GNAT3: variants seen among roughly 807,000 people sequenced by gnomAD.
The protein encoded by GNAT3 is G protein subunit alpha transducin 3.
A neutral mutation model predicts 37.7 loss-of-function variants in GNAT3; 31 were observed. The ratio of observed to expected loss-of-function variants is 0.82; its 90% CI spans 0.62 to 1.11. The LOEUF is 1.11. Among genes scored for constraint, GNAT3 ranks in the 50% most tolerant of loss-of-function variants. GNAT3 has a pLI of 0.00. For missense variants in GNAT3, 437 were observed against 412.5 expected (o/e 1.06, Z -0.51); for synonymous variants, 138 against 139.8 (o/e 0.99, Z 0.09).
At chr7:80,477,531 G>T (rs1035886775) in intron 4 of GNAT3, among the ~76,000 whole-genome samples, 3 of 152,040 alleles carry the variant, frequency 2.0e-5, no homozygotes, top group African/African-American at 7.2e-5. Flanking sequence ...TGAAATTGGG[G>T]TCTAAAATAA....
At chr7:80,508,532 G>T (rs2116236108) in intron 1 of GNAT3, among the ~76,000 whole-genome samples, 1 of 152,044 alleles carries the variant, frequency 6.6e-6, no homozygotes, top group African/African-American at 2.4e-5. Context: ...GAATATCTTT[G>T]CAAGTAAATT....
intron 3 of GNAT3, 107 bp downstream of exon 3, chr7:80,488,428 T>A: frequency 1.2e-6 from 1 of 808,128 alleles, no homozygotes; most frequent in Non-Finnish European, 1.8e-6. Context: ...ATGTTTCATA[T>A]TTTTAAATTT....
At position 80,469,502 on chromosome 7, in the gene GNAT3, T is replaced by G. The variant is rs533510047; in HGVS notation, c.590+4749A>C. On this transcript the variant is annotated intron_variant, in intron 5 of 7. Transcript: ENST00000398291. The stretch of plus-strand genomic sequence containing the variant: ...ATAAAGATAATTTATTTTATCAGTT[T>G]GACAGTTGCAGTTCTGGTTTGATAA... 1.9e-4 allele frequency among the ~76,000 whole-genome samples: 29 copies of G among 152,304 alleles called. No homozygotes were observed. In the South Asian group the frequency reaches 2.1e-3, roughly 11 times the overall value.
At chr7:80,470,278 G>A (rs989323429) in intron 5 of GNAT3, among the ~76,000 whole-genome samples, 3 of 152,062 alleles carry the variant, frequency 2.0e-5, no homozygotes, top group African/African-American at 7.2e-5. Flanking sequence ...CTAGAGCGCA[G>A]TGGCGCGATC....
chr7:80,465,061 T>C (rs986241362), intron 5 of GNAT3, among the ~76,000 whole-genome samples: 2 of 152,094 alleles, frequency 1.3e-5, no homozygotes, highest in Non-Finnish European at 2.9e-5. Flanking sequence ...AATTAACCAA[T>C]ACATTTAATT....
intron 4 of GNAT3, 102 bp downstream of exon 4, chr7:80,478,739 T>C: frequency 3.5e-6 from 4 of 1,147,690 alleles, no homozygotes; most frequent in Non-Finnish European, 5.0e-6. Flanking sequence ...TGTAACACCA[T>C]TTATTTTCCT....
intron 1 of GNAT3, among the ~76,000 whole-genome samples, chr7:80,508,272 C>CAA (rs55901024): frequency 7.7e-4 from 113 of 146,904 alleles, no homozygotes; most frequent in African/African-American, 2.6e-3. Context: ...TGGAAATTTG[C>CAA]AAAAAAAACA....
At chr7:80,489,565 A>G (rs552202154) in intron 2 of GNAT3, among the ~76,000 whole-genome samples, 14 of 152,240 alleles carry the variant, frequency 9.2e-5, no homozygotes, top group Admixed American at 3.9e-4. Flanking sequence ...AATGTCTTTG[A>G]AGATATTAGA....
At chr7:80,510,368 T>C (rs2116239741) in intron 1 of GNAT3, among the ~76,000 whole-genome samples, 1 of 152,336 alleles carries the variant, frequency 6.6e-6, no homozygotes, top group African/African-American at 2.4e-5. Context: ...ATAATTGGTA[T>C]ATTGAAAACA....
intron 4 of GNAT3, among the ~76,000 whole-genome samples, chr7:80,475,257 A>G (rs770607961): frequency 3.9e-5 from 6 of 151,982 alleles, no homozygotes; most frequent in Non-Finnish European, 7.4e-5. Flanking sequence ...ATGAACAGGA[A>G]TAAGTCTAAT....
Position 80,475,633 on chromosome 7 carries a change from T to C in GNAT3, c.462-1254A>G, listed in dbSNP as rs568213182. Among the ~76,000 whole-genome samples the C allele has an allele frequency of 2.5e-4, 38 of 152,182 alleles. No homozygotes were observed. The South Asian group carries it at 2.7e-3, about 11-fold the overall frequency. Reference sequence around the variant, plus strand: ...ATGTTAGTCAGTGTTAAAAATTGTTTGTTCAGTGATTAAGCTGAGAAGCTG... The same window carrying C: ...ATGTTAGTCAGTGTTAAAAATTGTTCGTTCAGTGATTAAGCTGAGAAGCTG... On this transcript the variant is annotated intron_variant, in intron 4 of 7. Transcript: ENST00000398291.
At chr7:80,506,996 T>A (rs1423316486) in intron 1 of GNAT3, among the ~76,000 whole-genome samples, 2 of 152,030 alleles carry the variant, frequency 1.3e-5, no homozygotes, top group Non-Finnish European at 2.9e-5. Flanking sequence ...AAAAAGGTAC[T>A]ATAGTTGGAG....
At position 80,488,590 on chromosome 7, in the gene GNAT3, G is replaced by C. The variant is rs1263742910; in HGVS notation, c.248C>G (p.Ala83Gly). The C allele has an allele frequency of 6.3e-6, 10 of 1,598,448 alleles. No individual in the cohort carries two copies. The East Asian group carries it at 1.8e-4, about 29-fold the overall frequency. Residue 83 changes from alanine to glycine, a missense_variant, in exon 3 of 8, where the codon GCT becomes GGT. Physicochemically the swap from Ala to Gly is moderately conservative, Grantham distance 60. Transcript: ENST00000398291. ...IYSNTLQSIL[A>G]IVKAMTTLGI... ...AAGGGTAGTCATGGCTTTCACAATA[G>C]CTAGGATGGATTGCAATGTATTACT...
rs764461871 is a variant in GNAT3, at chr7:80,462,247, G to A, written c.786C>T (p.Thr262=). The A allele has an allele frequency of 3.7e-6, 6 of 1,611,438 alleles. No individual in the cohort carries two copies. In the Admixed American group the frequency reaches 8.3e-5, roughly 22 times the overall value. Residue 262 remains threonine, a synonymous_variant, in exon 7 of 8, where the codon ACC becomes ACT. Transcript: ENST00000398291. ...SICNHKYFST[T]SIVLFLNKKD... is the part of the protein sequence containing the mutation. ...TTTTGTTGAGGAACAGGACAATGGA[G>A]GTTGTTGAAAAATACTTGTGATTAC...
At chr7:80,471,233 G>A (rs1183584320) in intron 5 of GNAT3, among the ~76,000 whole-genome samples, 2 of 150,116 alleles carry the variant, frequency 1.3e-5, no homozygotes, top group Admixed American at 1.3e-4. Flanking sequence ...TGTGTTGGCA[G>A]CTGATTAGAT....
intron 1 of GNAT3, among the ~76,000 whole-genome samples, chr7:80,511,347 T>G (rs1168760921): frequency 1.3e-5 from 2 of 152,122 alleles, no homozygotes; most frequent in Non-Finnish European, 2.9e-5. Context: ...TTCTCTAACT[T>G]GACTAATTGA....
chr7:80,507,213 G>A (rs866201327), intron 1 of GNAT3, among the ~76,000 whole-genome samples: 6 of 151,724 alleles, frequency 4.0e-5, no homozygotes, highest in African/African-American at 9.7e-5. Flanking sequence ...CTATGTTGGT[G>A]TAATAAAATT....
At chr7:80,478,142 T>C (rs1933262041) in intron 4 of GNAT3, among the ~76,000 whole-genome samples, 1 of 152,204 alleles carries the variant, frequency 6.6e-6, no homozygotes, top group African/African-American at 2.4e-5. Flanking sequence ...AATTCCTTAC[T>C]TCAAGCTGTC....
At chr7:80,467,055 C>A (rs528676468) in intron 5 of GNAT3, among the ~76,000 whole-genome samples, 1 of 152,028 alleles carries the variant, frequency 6.6e-6, no homozygotes, top group East Asian at 1.9e-4. Flanking sequence ...AAGAAACTGG[C>A]CTTTGAGAGG....
Sources: gnomAD v4.1 joint callset for allele counts (sites outside exome capture counted in the v4.1 genomes callset) on GRCh38, gnomAD v4.1.1 for gene constraint, MANE v1.5 for transcripts, NCBI Gene and HGNC (gene_info 2026-07-23, HGNC 2026-07-21) for gene names.